MRPS25: variants seen among roughly 807,000 people sequenced by gnomAD.
MRPS25 encodes the protein mitochondrial ribosomal protein S25.
Under a neutral mutation model 17.3 loss-of-function variants are expected in MRPS25, and 15 were observed. The ratio of observed to expected loss-of-function variants is 0.87; its 90% CI spans 0.58 to 1.34. The LOEUF (loss-of-function observed/expected upper bound fraction) is 1.34, where lower values mean the gene tolerates loss of function less well. Ranked by LOEUF, MRPS25 falls within the 40% of genes most tolerant of loss-of-function variation. MRPS25 has a pLI of 0.00. For synonymous variants in MRPS25, 94 were observed against 83.3 expected (o/e 1.13, Z -0.70); for missense variants, 225 against 218.6 (o/e 1.03, Z -0.19).
intron 2 of MRPS25, among the ~76,000 whole-genome samples, chr3:15,057,710 A>G (rs542247767): frequency 6.6e-6 from 1 of 152,324 alleles, no homozygotes; most frequent in Admixed American, 6.5e-5. Context: ...CAGGTATATA[A>G]CAACGGCCAG....
At chr3:15,062,142 G>C (rs1178811618) in intron 1 of MRPS25, among the ~76,000 whole-genome samples, 1 of 102,680 alleles carries the variant, frequency 9.7e-6, no homozygotes. Flanking sequence ...AGTGCGGCGG[G>C]TCAGCCCCCC....
At chr3:15,056,020 T>C (rs913157442) in intron 2 of MRPS25, among the ~76,000 whole-genome samples, 1 of 151,874 alleles carries the variant, frequency 6.6e-6, no homozygotes, top group Non-Finnish European at 1.5e-5. Context: ...GAGACCATCC[T>C]GGCTAACACC....
chr3:15,052,376 G>C lies in MRPS25; in HGVS notation c.*65C>G, dbSNP rs976798937. On this transcript the variant is annotated 3_prime_UTR_variant, in exon 4 of 4. Transcript: ENST00000253686. ...GAACCAGGGGCTTCCCTGGGCCAAA[G>C]TAATCCCATTCCAATCTCCCCACTG... 1 of 1,554,408 alleles carries C rather than the reference G, an allele frequency of 6.4e-7. No individual in the cohort carries two copies. Among genetic ancestry groups the C allele is most frequent in the Non-Finnish European group, 8.7e-7 (1 of 1,148,600 alleles).
chr3:15,051,389 G>T lies in MRPS25; in HGVS notation c.*1052C>A. On this transcript the variant is annotated 3_prime_UTR_variant, in exon 4 of 4. Coordinates refer to ENST00000253686, the MANE Select transcript of MRPS25 (RefSeq NM_022497.5). Reference sequence around the variant, plus strand: ...TGTAGAGACAAGGTCTTGCCATGTTGCCCAGGCTGGTCTCGAACTCCTGGG... The same window carrying T: ...TGTAGAGACAAGGTCTTGCCATGTTTCCCAGGCTGGTCTCGAACTCCTGGG... The T allele has an allele frequency of 4.7e-6, 3 of 642,044 alleles. No individual in the cohort carries two copies. The highest frequency in any genetic ancestry group is 5.8e-6 in the Non-Finnish European group (3 of 516,444). The allele number at this position is 642,044 out of a possible 1,614,324, so 39.8% of individuals were successfully genotyped here.
chr3:15,050,938 G>A lies in MRPS25; in HGVS notation c.*1503C>T. ...TTTCACCAGCCAGCTACTTCATGTGGCAGAAAAGGTAACCTTTTCCCCATT... is the reference window on the plus strand; with the variant it reads ...TTTCACCAGCCAGCTACTTCATGTGACAGAAAAGGTAACCTTTTCCCCATT... On this transcript the variant is annotated 3_prime_UTR_variant, in exon 4 of 4. Transcript: ENST00000253686. 2.0e-6 allele frequency: 2 copies of A among 985,380 alleles called. No homozygotes were observed. Among genetic ancestry groups the A allele is most frequent in the South Asian group, 4.7e-5 (1 of 21,282 alleles). The allele number at this position is 985,380 out of a possible 1,614,324, so 61.0% of individuals were successfully genotyped here. A position where few individuals can be genotyped will look rare whatever the true frequency, so the allele number is the denominator to read the frequency against.
At chr3:15,054,381 T>C (rs2042643630) in intron 2 of MRPS25, among the ~76,000 whole-genome samples, 1 of 152,154 alleles carries the variant, frequency 6.6e-6, no homozygotes, top group African/African-American at 2.4e-5. Context: ...ATATGCTAAA[T>C]AGGTGAATTT....
chr3:15,053,362 TC>T lies in MRPS25; in HGVS notation c.329+17del. On this transcript the variant is annotated intron_variant, in intron 3 of 3. Coordinates refer to ENST00000253686, the MANE Select transcript of MRPS25 (RefSeq NM_022497.5). ...GGCTGAGAAGTTTGTTCCTTCCAGG[TC>T]AAACCAAACAACTCACTCATTCTTC... 3 of 1,614,138 alleles carry T rather than the reference TC, an allele frequency of 1.9e-6. No homozygotes were observed. The highest frequency in any genetic ancestry group is 1.7e-6 in the Non-Finnish European group (2 of 1,180,014).
At position 15,052,420 on chromosome 3, in the gene MRPS25, A is replaced by C; in HGVS notation, c.*21T>G. ...CCCACTGGTCAGACACCATCACCCC[A>C]GCCCACAGTGACCGTGGGCCTTAGT... On this transcript the variant is annotated 3_prime_UTR_variant, in exon 4 of 4. Transcript: ENST00000253686. 3 of 1,605,590 alleles carry C rather than the reference A, an allele frequency of 1.9e-6. No homozygotes were observed. In the South Asian group the frequency reaches 3.3e-5, roughly 18 times the overall value.
chr3:15,042,793 C>T, downstream of MRPS25: 1 of 1,586,704 alleles, frequency 6.3e-7, no homozygotes, highest in Non-Finnish European at 8.6e-7. Context: ...GGTTGAAGGG[C>T]ATCAAACAGT....
At position 15,050,538 on chromosome 3, in the gene MRPS25, A is replaced by G; in HGVS notation, c.*1903T>C. 1 of 985,562 alleles carries G rather than the reference A, an allele frequency of 1.0e-6. No individual in the cohort carries two copies. The highest frequency in any genetic ancestry group is 1.2e-6 in the Non-Finnish European group (1 of 830,076). 61.1% of individuals were successfully genotyped at this position (985,562 alleles called of 1,614,324 possible). A position where few individuals can be genotyped will look rare whatever the true frequency, so the allele number is the denominator to read the frequency against. ...TAGGTGCTTTCTGAAGAGCCCTTGCAGCCAAGTAGAACGCCCAGGCAGGTG... is the reference window on the plus strand; with the variant it reads ...TAGGTGCTTTCTGAAGAGCCCTTGCGGCCAAGTAGAACGCCCAGGCAGGTG... On this transcript the variant is annotated 3_prime_UTR_variant, in exon 4 of 4. Transcript: ENST00000253686.
Position 15,050,093 on chromosome 3 carries a change from A to G in MRPS25, c.*2348T>C. Reference sequence around the variant, plus strand: ...TTTAAACCCATCTTTCATCACTACTAAACAAAATAGGGAAAGACAAAGGTT... The same window carrying G: ...TTTAAACCCATCTTTCATCACTACTGAACAAAATAGGGAAAGACAAAGGTT... On this transcript the variant is annotated 3_prime_UTR_variant, in exon 4 of 4. Transcript: ENST00000253686. 1 of 1,409,604 alleles carries G rather than the reference A, an allele frequency of 7.1e-7. No individual in the cohort carries two copies. Among genetic ancestry groups the G allele is most frequent in the East Asian group, 3.0e-5 (1 of 33,610 alleles). 87.3% of individuals were successfully genotyped at this position (1,409,604 alleles called of 1,614,324 possible). A position where few individuals can be genotyped will look rare whatever the true frequency, so the allele number is the denominator to read the frequency against.
chr3:15,044,561 C>T (rs1157018789), downstream of MRPS25: 5 of 152,166 alleles, frequency 3.3e-5, no homozygotes, highest in African/African-American at 7.2e-5. Flanking sequence ...GTGGAAGACC[C>T]GGTCAATTGC....
At chr3:15,047,918 A>G, downstream of MRPS25, 1 of 152,178 alleles carries the variant, frequency 6.6e-6, no homozygotes, top group Admixed American at 6.5e-5. Context: ...CAGATACCAA[A>G]TTTTCCTCGT....
In MRPS25 at chr3:15,065,270, G is replaced by C; in HGVS notation, c.-76C>G. 6.9e-7 allele frequency: 1 copy of C among 1,459,424 alleles called. No individual in the cohort carries two copies. Among genetic ancestry groups the C allele is most frequent in the South Asian group, 1.4e-5 (1 of 73,490 alleles). 90.4% of individuals were successfully genotyped at this position (1,459,424 alleles called of 1,614,324 possible). A position where few individuals can be genotyped will look rare whatever the true frequency, so the allele number is the denominator to read the frequency against. Reference sequence around the variant, plus strand: ...CGAGAAAGGACTAGCTAGCACCCGCGCGGATCTCACGCGGCTTCTCCCCAG... The same window carrying C: ...CGAGAAAGGACTAGCTAGCACCCGCCCGGATCTCACGCGGCTTCTCCCCAG... On this transcript the variant is annotated 5_prime_UTR_variant, in exon 1 of 4. Coordinates refer to ENST00000253686, the MANE Select transcript of MRPS25 (RefSeq NM_022497.5).
At position 15,052,456 on chromosome 3, in the gene MRPS25, G is replaced by A. The variant is rs570483108; in HGVS notation, c.507C>T (p.Ala169=). Residue 169 remains alanine, a synonymous_variant, in exon 4 of 4, where the codon GCC becomes GCT. Transcript: ENST00000253686. ...MRGKYKAALK[A]DAQD The stretch of plus-strand genomic sequence containing the variant: ...ACCGTGGGCCTTAGTCCTGGGCATC[G>A]GCTTTCAGAGCGGCTTTGTACTTCC... 22 of 1,613,458 alleles carry A rather than the reference G, an allele frequency of 1.4e-5. No individual in the cohort carries two copies. The Admixed American group carries it at 2.2e-4, about 16-fold the overall frequency.
chr3:15,053,746 T>C (rs2042637582), intron 2 of MRPS25: 1 of 463,952 alleles, frequency 2.2e-6, no homozygotes, highest in Non-Finnish European at 3.9e-6. Context: ...ACGGCAATTC[T>C]CCCCAGACTG....
chr3:15,055,154 C>T lies in MRPS25; in HGVS notation c.242-1687G>A, dbSNP rs1186635310. ...TCGCAAGAGAACTCACTACCACAGA[C>T]CACAGTACCAAAGCGGATGGTGCTA... is the stretch of plus-strand genomic sequence containing the variant. On this transcript the variant is annotated intron_variant, in intron 2 of 3. Coordinates refer to ENST00000253686, the MANE Select transcript of MRPS25 (RefSeq NM_022497.5). Among the ~76,000 whole-genome samples the T allele has an allele frequency of 5.9e-5, 9 of 152,160 alleles. No homozygotes were observed. In the East Asian group the frequency reaches 1.7e-3, roughly 29 times the overall value.
intron 3 of MRPS25, 128 bp from the exon 4 acceptor site, chr3:15,052,761 C>G: frequency 1.0e-6 from 1 of 986,744 alleles, no homozygotes; most frequent in South Asian, 1.5e-5. Flanking sequence ...TAACCTGATC[C>G]TCACTGTCAA....
chr3:15,051,325 A>T lies in MRPS25; in HGVS notation c.*1116T>A. The T allele has an allele frequency of 1.8e-6, 1 of 545,416 alleles. No homozygotes were observed. The highest frequency in any genetic ancestry group is 2.3e-6 in the Non-Finnish European group (1 of 427,864). 33.8% of individuals were successfully genotyped at this position (545,416 alleles called of 1,614,324 possible). The stretch of plus-strand genomic sequence containing the variant: ...CAGCTTCCCAAATAGCTGGGACTAC[A>T]GACGCGAAACACCACACCCATCTAA... On this transcript the variant is annotated 3_prime_UTR_variant, in exon 4 of 4. Transcript: ENST00000253686.
Sources: gnomAD v4.1 joint callset for allele counts (sites outside exome capture counted in the v4.1 genomes callset) on GRCh38, gnomAD v4.1.1 for gene constraint, MANE v1.5 for transcripts, NCBI Gene and HGNC (gene_info 2026-07-23, HGNC 2026-07-21) for gene names.